The following RFC3 variants were observed in gnomAD, a reference collection of about 807,000 sequenced individuals.
RFC3 encodes the protein replication factor C subunit 3.
Under a neutral mutation model 45.1 loss-of-function variants are expected in RFC3, and 41 were observed. That is an observed-to-expected ratio of 0.91 (90% CI 0.71 to 1.18). The LOEUF (loss-of-function observed/expected upper bound fraction) is 1.18. RFC3 is among the 50% of genes most tolerant of loss of function. RFC3 has a pLI of 0.00. For synonymous variants in RFC3, 149 were observed against 144.0 expected, an observed-to-expected ratio of 1.03 and a Z score of -0.25; for missense variants, 423 against 428.1, an observed-to-expected ratio of 0.99 and a Z score of 0.10.
In RFC3 at chr13:33,820,605, TC is replaced by T. The variant is rs144215832; in HGVS notation, c.88-525del. On this transcript the variant is annotated intron_variant, in intron 1 of 8. Transcript: ENST00000380071. ...GCATCCCCACTCTCCTATGAAGTTT[TC>T]CTTTATCTCACAAGTAACCTCCCAA... Among the ~76,000 whole-genome samples the T allele has an allele frequency of 7.6e-3, 1,161 of 152,312 alleles. 12 individuals carry two copies. Among genetic ancestry groups the T allele is most frequent in the African/African-American group, 0.027 (1,113 of 41,566 alleles).
In RFC3 at chr13:33,818,195, A is replaced by T; in HGVS notation, c.17A>T (p.Asp6Val). The change falls in exon 1 of 9, where the codon GAC becomes GTC. Residue 6 changes from aspartate (D) to valine (V), a missense_variant. Transcript: ENST00000380071. MSLWV[D>V]KYRPCSLGRL... ...CGAGCTGCCATGAGCCTCTGGGTGG[A>T]CAAGTATCGGCCCTGCTCCTTGGGA... 6.2e-7 allele frequency: 1 copy of T among 1,613,638 alleles called. No homozygotes were observed. Among genetic ancestry groups the T allele is most frequent in the Non-Finnish European group, 8.5e-7 (1 of 1,179,962 alleles).
chr13:33,892,344 T>G (rs1267528189), intron 8 of RFC3, among the ~76,000 whole-genome samples: 1 of 152,128 alleles, frequency 6.6e-6, no homozygotes, highest in Non-Finnish European at 1.5e-5. Flanking sequence ...CATATGTTAA[T>G]AGAAGGTTTC....
chr13:33,840,174 G>A (rs890814908), downstream of RFC3, among the ~76,000 whole-genome samples: 1 of 151,858 alleles, frequency 6.6e-6, no homozygotes, highest in Non-Finnish European at 1.5e-5. Context: ...ATTAAATTTT[G>A]AAAAACTGAT....
At chr13:33,914,566 G>C (rs2082722053) in intron 8 of RFC3, among the ~76,000 whole-genome samples, 1 of 152,082 alleles carries the variant, frequency 6.6e-6, no homozygotes, top group East Asian at 1.9e-4. Flanking sequence ...GTTGGTCCAG[G>C]AATCTCACCT....
chr13:33,830,215 T>A (rs758888825), intron 5 of RFC3, among the ~76,000 whole-genome samples, 198 bp downstream of exon 5: 4 of 152,204 alleles, frequency 2.6e-5, no homozygotes, highest in Non-Finnish European at 5.9e-5. Context: ...TTTTTCCCTT[T>A]AAACCATCTT....
downstream of RFC3, among the ~76,000 whole-genome samples, chr13:33,841,096 T>C (rs769928277): frequency 6.6e-6 from 1 of 152,178 alleles, no homozygotes; most frequent in Non-Finnish European, 1.5e-5. Flanking sequence ...TAGATTCTCA[T>C]AGGAGTGGGA....
intron 8 of RFC3, among the ~76,000 whole-genome samples, chr13:33,958,235 AG>A (rs915139365): frequency 1.3e-5 from 2 of 152,216 alleles, no homozygotes; most frequent in Non-Finnish European, 2.9e-5. Context: ...GAACATCGCA[AG>A]TAAAAGAAAC....
At chr13:33,965,745 A>G (rs1375876077) in intron 8 of RFC3, among the ~76,000 whole-genome samples, 2 of 152,192 alleles carry the variant, frequency 1.3e-5, no homozygotes, top group Admixed American at 1.3e-4. Flanking sequence ...CAGCATTTAA[A>G]CAGTGGTTCT....
intron 8 of RFC3, among the ~76,000 whole-genome samples, chr13:33,900,247 C>T (rs778761685): frequency 2.0e-4 from 31 of 151,778 alleles, no homozygotes; most frequent in South Asian, 4.2e-4. Flanking sequence ...AAGAACAAAG[C>T]GGGAGGCATT....
chr13:33,858,353 A>G (rs1370391830), intron 8 of RFC3, among the ~76,000 whole-genome samples: 1 of 152,214 alleles, frequency 6.6e-6, no homozygotes, highest in Non-Finnish European at 1.5e-5. Context: ...TTGGCTGCAT[A>G]TAACAGAAAA....
At chr13:33,825,131 T>C (rs145145903) in intron 3 of RFC3, among the ~76,000 whole-genome samples, 59 of 152,306 alleles carry the variant, frequency 3.9e-4, no homozygotes, top group Non-Finnish European at 5.4e-4. Context: ...GAAATTAACA[T>C]TGAATCAGCC....
chr13:33,907,956 G>A (rs372354689), intron 8 of RFC3, among the ~76,000 whole-genome samples: 2 of 150,960 alleles, frequency 1.3e-5, no homozygotes, highest in Non-Finnish European at 3.0e-5. Flanking sequence ...TTTTTTCATA[G>A]GATATACATG....
chr13:33,971,009 C>A (rs1249050949), downstream of RFC3, among the ~76,000 whole-genome samples: 2 of 152,208 alleles, frequency 1.3e-5, no homozygotes, highest in South Asian at 2.1e-4. Context: ...AGAATCCAGG[C>A]TTTCTGTAAC....
chr13:33,960,828 A>G (rs2137862864), intron 8 of RFC3, among the ~76,000 whole-genome samples: 1 of 152,266 alleles, frequency 6.6e-6, no homozygotes, highest in Admixed American at 6.5e-5. Flanking sequence ...TGTGATCATT[A>G]TTGCCTGCCT....
downstream of RFC3, among the ~76,000 whole-genome samples, chr13:33,968,290 G>A (rs2083097027): frequency 6.6e-6 from 1 of 152,130 alleles, no homozygotes; most frequent in South Asian, 2.1e-4. Flanking sequence ...ACTACACCTG[G>A]CTAATTTTTG....
chr13:33,910,729 G>C (rs1345268050), intron 8 of RFC3, among the ~76,000 whole-genome samples: 1 of 152,118 alleles, frequency 6.6e-6, no homozygotes, highest in Non-Finnish European at 1.5e-5. Flanking sequence ...AGAAATATGT[G>C]AGACTGGGTA....
At chr13:33,953,507 A>G (rs765706610) in intron 8 of RFC3, among the ~76,000 whole-genome samples, 1 of 152,162 alleles carries the variant, frequency 6.6e-6, no homozygotes, top group Non-Finnish European at 1.5e-5. Flanking sequence ...TAGAGATGTC[A>G]TAAATATAGT....
chr13:33,911,301 G>A (rs1038390025), intron 8 of RFC3, among the ~76,000 whole-genome samples: 2 of 152,048 alleles, frequency 1.3e-5, no homozygotes, highest in Non-Finnish European at 2.9e-5. Flanking sequence ...TGGGAGAACA[G>A]CCTGCTGTAA....
Position 33,834,298 on chromosome 13 carries a change from G to GTATATA in RFC3, c.810-822_810-817dup, listed in dbSNP as rs58858615. Among the ~76,000 whole-genome samples the GTATATA allele has an allele frequency of 1.6e-3, 170 of 109,170 alleles. 4 individuals are homozygous for GTATATA. The highest frequency in any genetic ancestry group is 6.0e-3 in the South Asian group (19 of 3,186). 71.6% of individuals were successfully genotyped at this position (109,170 alleles called of 152,430 possible). A position where few individuals can be genotyped will look rare whatever the true frequency, so the allele number is the denominator to read the frequency against. The stretch of plus-strand genomic sequence containing the variant: ...GAAGTATGGAACATCTGTACTGTGT[G>GTATATA]TATATATATATATATATATATATAT... On this transcript the variant is annotated intron_variant, in intron 7 of 8. Transcript: ENST00000380071.
Sources: gnomAD v4.1 joint callset for allele counts (sites outside exome capture counted in the v4.1 genomes callset) on GRCh38, gnomAD v4.1.1 for gene constraint, MANE v1.5 for transcripts, NCBI Gene and HGNC (gene_info 2026-07-23, HGNC 2026-07-21) for gene names.